Variants in GFRA1 observed in about 807,000 individuals in gnomAD.
GFRA1 encodes GDNF family receptor alpha 1, also known as GDNF family receptor alpha-1.
Under a neutral mutation model 51.6 loss-of-function variants are expected in GFRA1, and 16 were observed. That is an observed-to-expected ratio of 0.31 (90% CI 0.21 to 0.47). The LOEUF (loss-of-function observed/expected upper bound fraction) is 0.47. Ranked by LOEUF, GFRA1 falls within the 20% of genes least tolerant of loss-of-function variation. The pLI is 1.00. For synonymous variants in GFRA1, 270 were observed against 241.3 expected, an observed-to-expected ratio of 1.12 and a Z score of -1.10; for missense variants, 530 against 594.3, an observed-to-expected ratio of 0.89 and a Z score of 1.13.
At position 116,063,155 on chromosome 10, in the gene GFRA1, A is replaced by G. The variant is rs1589756371; in HGVS notation, c.*1243T>C. The G allele has an allele frequency of 6.6e-6, 1 of 152,242 alleles. No homozygotes were observed. The highest frequency in any genetic ancestry group is 2.4e-5 in the African/African-American group (1 of 41,460). 9.4% of individuals were successfully genotyped at this position (152,242 alleles called of 1,614,324 possible). On this transcript the variant is annotated 3_prime_UTR_variant, in exon 11 of 11. Coordinates refer to ENST00000355422, the MANE Select transcript of GFRA1 (RefSeq NM_005264.8). ...AACCTGCCCATGCCTCCATGTCCCA[A>G]TCAAAGCTGCCTTTGTCAGATAACC...
chr10:116,252,764 C>A (rs1429829479), intron 4 of GFRA1, among the ~76,000 whole-genome samples: 1 of 152,128 alleles, frequency 6.6e-6, no homozygotes, highest in Non-Finnish European at 1.5e-5. Context: ...GGGGGATAGG[C>A]TTCAACATGC....
intron 5 of GFRA1, among the ~76,000 whole-genome samples, chr10:116,187,266 C>A (rs1962814532): frequency 6.6e-6 from 1 of 152,092 alleles, no homozygotes; most frequent in East Asian, 1.9e-4. Flanking sequence ...TTTTTTCATT[C>A]AAAAATGTCC....
At chr10:116,193,987 C>T (rs533498352) in intron 5 of GFRA1, among the ~76,000 whole-genome samples, 6 of 149,930 alleles carry the variant, frequency 4.0e-5, no homozygotes, top group Non-Finnish European at 8.9e-5. Context: ...TGCAGTGAGC[C>T]GAGATCGCAC....
At chr10:116,273,695 CACACACACACACAG>C, upstream of GFRA1, among the ~76,000 whole-genome samples, 1 of 147,906 alleles carries the variant, frequency 6.8e-6, no homozygotes, top group African/African-American at 2.6e-5. Flanking sequence ...CTCTCTCTCT[CACACACACACACAG>C]ACACACACAC....
intron 5 of GFRA1, among the ~76,000 whole-genome samples, chr10:116,130,424 GA>G (rs1209907780): frequency 6.6e-6 from 1 of 152,030 alleles, no homozygotes; most frequent in Non-Finnish European, 1.5e-5. Context: ...AGCTTATATG[GA>G]AACGCAAAGG....
intron 5 of GFRA1, among the ~76,000 whole-genome samples, chr10:116,131,430 A>G (rs1257929643): frequency 1.3e-5 from 2 of 152,190 alleles, no homozygotes; most frequent in African/African-American, 4.8e-5. Context: ...GAACTTGAAC[A>G]TATGTCCACA....
At chr10:116,235,227 A>AG (rs1346079231) in intron 4 of GFRA1, among the ~76,000 whole-genome samples, 1 of 152,194 alleles carries the variant, frequency 6.6e-6, no homozygotes, top group Non-Finnish European at 1.5e-5. Flanking sequence ...GGCCAGACAG[A>AG]GGGAAGACAC....
chr10:116,147,466 G>A (rs142796691), intron 5 of GFRA1, among the ~76,000 whole-genome samples: 1 of 152,022 alleles, frequency 6.6e-6, no homozygotes, highest in Admixed American at 6.6e-5. Flanking sequence ...TTTCCTGGAA[G>A]ACACTAGCTT....
Position 116,061,097 on chromosome 10 carries a change from G to A in GFRA1, c.*3301C>T, listed in dbSNP as rs946661071. ...AGGGAGACGGGCGGCAGCTAGAAGC[G>A]GCCCATCCTCAGAGTGTATGCAAGA... On this transcript the variant is annotated 3_prime_UTR_variant, in exon 11 of 11. Transcript: ENST00000355422. The A allele has an allele frequency of 2.0e-5, 3 of 152,004 alleles. No homozygotes were observed. Among genetic ancestry groups the A allele is most frequent in the African/African-American group, 7.3e-5 (3 of 41,364 alleles). 9.4% of individuals were successfully genotyped at this position (152,004 alleles called of 1,614,324 possible). A position where few individuals can be genotyped will look rare whatever the true frequency, so the allele number is the denominator to read the frequency against.
intron 5 of GFRA1, among the ~76,000 whole-genome samples, chr10:116,211,141 G>A (rs999561843): frequency 6.6e-6 from 1 of 152,308 alleles, no homozygotes; most frequent in Non-Finnish European, 1.5e-5. Flanking sequence ...CCCAGCTGGC[G>A]AGGTTGAAAA....
intron 4 of GFRA1, among the ~76,000 whole-genome samples, chr10:116,230,829 C>A (rs1966635404): frequency 6.6e-6 from 1 of 151,998 alleles, no homozygotes; most frequent in Non-Finnish European, 1.5e-5. Context: ...GCAACCATGG[C>A]AATTATTTCA....
chr10:116,228,921 CA>C (rs1273594934), intron 4 of GFRA1, among the ~76,000 whole-genome samples: 2 of 127,466 alleles, frequency 1.6e-5, no homozygotes, highest in Admixed American at 2.1e-4. Flanking sequence ...ATGCAGGTTG[CA>C]GTGAGCCAAG....
At chr10:116,198,851 G>T (rs977415260) in intron 5 of GFRA1, among the ~76,000 whole-genome samples, 2 of 152,130 alleles carry the variant, frequency 1.3e-5, no homozygotes, top group African/African-American at 4.8e-5. Context: ...ACCTTATTTG[G>T]AAATAGGGTT....
rs147486392 is a variant in GFRA1, at chr10:116,189,892, T to A, written c.433+21739A>T. On this transcript the variant is annotated intron_variant, in intron 5 of 10. Transcript: ENST00000355422. ...TCAAGGCAAATGCATTAGGCCAGGGTTTTTTTTTTAAGGTCTCTTTTCCTG... is the reference window on the plus strand; with the variant it reads ...TCAAGGCAAATGCATTAGGCCAGGGATTTTTTTTTAAGGTCTCTTTTCCTG... 4.4e-3 allele frequency among the ~76,000 whole-genome samples: 634 copies of A among 142,804 alleles called. 1 individual carries two copies. The highest frequency in any genetic ancestry group is 7.0e-3 in the Non-Finnish European group (468 of 66,650). 93.7% of individuals were successfully genotyped at this position (142,804 alleles called of 152,430 possible). A position where few individuals can be genotyped will look rare whatever the true frequency, so the allele number is the denominator to read the frequency against.
intron 6 of GFRA1, among the ~76,000 whole-genome samples, chr10:116,115,050 T>G (rs1281168896): frequency 6.6e-6 from 1 of 152,154 alleles, no homozygotes; most frequent in African/African-American, 2.4e-5. Flanking sequence ...GGGAAAACAA[T>G]CCCAAGACTC....
intron 6 of GFRA1, among the ~76,000 whole-genome samples, chr10:116,099,730 G>C (rs1956743259): frequency 6.6e-6 from 1 of 152,228 alleles, no homozygotes; most frequent in African/African-American, 2.4e-5. Flanking sequence ...CCCTGTCCTT[G>C]AACTTATATA....
chr10:116,094,400 C>G (rs1956488367), intron 7 of GFRA1, among the ~76,000 whole-genome samples: 1 of 152,138 alleles, frequency 6.6e-6, no homozygotes, highest in Non-Finnish European at 1.5e-5. Context: ...TGGAAACAAA[C>G]AGTGGAAATT....
In GFRA1 at chr10:116,060,424, T is replaced by C. The variant is rs1565542389; in HGVS notation, c.*3974A>G. ...TCTGCCTGATTCAAGGAACTCTGGC[T>C]GTTTCGTTAGAAGGTCCCTGTTCTG... is the stretch of plus-strand genomic sequence containing the variant. On this transcript the variant is annotated 3_prime_UTR_variant, in exon 11 of 11. Transcript: ENST00000355422. 1 of 152,218 alleles carries C rather than the reference T, an allele frequency of 6.6e-6. No homozygotes were observed. The highest frequency in any genetic ancestry group is 1.5e-5 in the Non-Finnish European group (1 of 68,048). 9.4% of individuals were successfully genotyped at this position (152,218 alleles called of 1,614,324 possible).
At chr10:116,136,452 G>A (rs1424291810) in intron 5 of GFRA1, among the ~76,000 whole-genome samples, 1 of 152,202 alleles carries the variant, frequency 6.6e-6, no homozygotes, top group African/African-American at 2.4e-5. Context: ...ACAAATGTGA[G>A]CCAGCCGAGT....
Sources: allele counts gnomAD v4.1 joint callset (sites outside exome capture counted in the v4.1 genomes callset), GRCh38; gene constraint gnomAD v4.1.1; transcripts MANE v1.5; gene names NCBI Gene and HGNC (gene_info 2026-07-23, HGNC 2026-07-21).